The following TFAP2E variants were observed in gnomAD, a reference collection of about 807,000 sequenced individuals.
TFAP2E encodes the protein transcription factor AP-2-epsilon.
In TFAP2E, 30 loss-of-function variants were observed where a neutral mutation model predicts 37.9. The observed-to-expected ratio is 0.79, with a 90% CI of 0.59 to 1.07. The LOEUF (loss-of-function observed/expected upper bound fraction) is 1.07, where lower values mean the gene tolerates loss of function less well. Ranked by LOEUF, TFAP2E falls within the 50% of genes least tolerant of loss-of-function variation. TFAP2E has a pLI of 0.00. For synonymous variants in TFAP2E, 318 were observed against 295.8 expected (o/e 1.08, Z -0.77); for missense variants, 567 against 637.9 (o/e 0.89, Z 1.20).
chr1:35,580,762 G>A (rs1431886935), intron 3 of TFAP2E, among the ~76,000 whole-genome samples: 4 of 151,414 alleles, frequency 2.6e-5, no homozygotes, highest in Non-Finnish European at 2.9e-5. Flanking sequence ...GCGACAGAGC[G>A]AGACTCTGCC....
At chr1:35,578,418 CTCCG>C (rs1463583934) in intron 3 of TFAP2E, among the ~76,000 whole-genome samples, 1 of 149,186 alleles carries the variant, frequency 6.7e-6, no homozygotes, top group Admixed American at 6.6e-5. Flanking sequence ...CAGAGCGAGA[CTCCG>C]TCTCGGAAAA....
At chr1:35,575,021 G>T in intron 3 of TFAP2E, 21 bp downstream of exon 3, 5 of 1,613,736 alleles carry the variant, frequency 3.1e-6, no homozygotes, top group Non-Finnish European at 3.4e-6. Context: ...GTCTGTCAGG[G>T]CAGAGCCCGG....
At chr1:35,574,898 TG>T in intron 2 of TFAP2E, 50 bp from the exon 3 acceptor site, 1 of 1,612,970 alleles carries the variant, frequency 6.2e-7, no homozygotes, top group Non-Finnish European at 8.5e-7. Context: ...TGGGAAGACA[TG>T]GGCGGCTAGG....
Position 35,574,384 on chromosome 1 carries a change from C to T in TFAP2E, c.485C>T (p.Ala162Val), listed in dbSNP as rs1306702846. 3 of 1,435,588 alleles carry T rather than the reference C, an allele frequency of 2.1e-6. No homozygotes were observed. The highest frequency in any genetic ancestry group is 1.5e-5 in the African/African-American group (1 of 67,092). 88.9% of individuals were successfully genotyped at this position (1,435,588 alleles called of 1,614,324 possible). A position where few individuals can be genotyped will look rare whatever the true frequency, so the allele number is the denominator to read the frequency against. ...DAPLGLPGLA[A>V]APGLEDLQAM... ...CCTCTCGGCCTTCCGGGGCTGGCGG[C>T]GGCCCCCGGTCTGGAGGACCTGCAG... is the stretch of plus-strand genomic sequence containing the variant. Residue 162 changes from alanine (A) to valine (V), a missense_variant, in exon 2 of 7, where the codon GCG becomes GTG. Around this residue, in one of 3 missense-constraint regions of TFAP2E, gnomAD observed 312 missense variants for 317.4 expected, o/e 0.98. Coordinates refer to ENST00000373235, the MANE Select transcript of TFAP2E (RefSeq NM_178548.4).
intron 3 of TFAP2E, among the ~76,000 whole-genome samples, chr1:35,576,828 G>C (rs919981760): frequency 6.6e-6 from 1 of 152,218 alleles, no homozygotes; most frequent in Non-Finnish European, 1.5e-5. Context: ...AACATCCCAG[G>C]TGGCGGCGCG....
rs781508761 is a variant in TFAP2E at position 35,594,689 on chromosome 1, C to A, written c.*13C>A. On this transcript the variant is annotated 3_prime_UTR_variant, in exon 7 of 7. Coordinates refer to ENST00000373235, the MANE Select transcript of TFAP2E (RefSeq NM_178548.4). ...GCATCGGAAATAACTGCTTCTCCCA[C>A]CCCATCCCTAAGGGGCTCCCAGGCC... 54 of 1,613,372 alleles carry A rather than the reference C, an allele frequency of 3.3e-5. No individual in the cohort carries two copies. Among genetic ancestry groups the A allele is most frequent in the Non-Finnish European group, 3.9e-5 (46 of 1,180,038 alleles).
intron 6 of TFAP2E, among the ~76,000 whole-genome samples, chr1:35,592,806 G>A (rs1649726539): frequency 6.6e-6 from 1 of 152,146 alleles, no homozygotes; most frequent in Non-Finnish European, 1.5e-5. Context: ...CTTGCTGTGT[G>A]TCCTCACATT....
intron 2 of TFAP2E, 127 bp from the exon 3 acceptor site, chr1:35,574,822 T>TCGC (rs1257438457): frequency 7.8e-7 from 1 of 1,276,238 alleles, no homozygotes; most frequent in Non-Finnish European, 1.1e-6. Flanking sequence ...GGCCTGCCCG[T>TCGC]CGCCGCCCCA....
intron 3 of TFAP2E, among the ~76,000 whole-genome samples, chr1:35,587,636 C>CAAAAAAAAAAAAAAA (rs553131997): frequency 1.9e-5 from 1 of 51,354 alleles, no homozygotes; most frequent in African/African-American, 6.6e-5. Context: ...GACTCCATCT[C>CAAAAAAAAAAAAAAA]AAAAAAAAAA....
At position 35,573,956 on chromosome 1, in the gene TFAP2E, C is replaced by G. The variant is rs757731516; in HGVS notation, c.57C>G (p.Ala19=). 1.4e-5 allele frequency: 20 copies of G among 1,426,216 alleles called. No homozygotes were observed. Among genetic ancestry groups the G allele is most frequent in the Non-Finnish European group, 1.8e-5 (20 of 1,100,400 alleles). The allele number at this position is 1,426,216 out of a possible 1,614,324, so 88.3% of individuals were successfully genotyped here. ...MERPDGLGAA[A]GGARLSSLPQ... The stretch of plus-strand genomic sequence containing the variant: ...GCCCCGACGGGCTGGGAGCAGCTGC[C>G]GGCGGGGCCCGCCTGTCGTCTCTGC... Residue 19 remains alanine (A), a synonymous_variant, in exon 2 of 7, where the codon GCC becomes GCG. Transcript: ENST00000373235. The surrounding 1 kb of genome is among the most constrained non-coding windows in gnomAD (Gnocchi z 5.9).
chr1:35,587,844 C>T lies in TFAP2E; in HGVS notation c.563-486C>T, dbSNP rs866331507. ...ATTAACAGGGCAATAACCTCCCTGTCTCCAGGATGTGGAGCCCACAGTCTC... is the reference window on the plus strand; with the variant it reads ...ATTAACAGGGCAATAACCTCCCTGTTTCCAGGATGTGGAGCCCACAGTCTC... On this transcript the variant is annotated intron_variant, in intron 3 of 6. Transcript: ENST00000373235. Among the ~76,000 whole-genome samples the T allele has an allele frequency of 3.3e-5, 5 of 152,142 alleles. No individual in the cohort carries two copies. In the Middle Eastern group the frequency reaches 0.01, roughly 310 times the overall value.
chr1:35,588,211 A>T lies in TFAP2E; in HGVS notation c.563-119A>T. 1 of 996,214 alleles carries T rather than the reference A, an allele frequency of 1.0e-6. No homozygotes were observed. The highest frequency in any genetic ancestry group is 1.4e-6 in the Non-Finnish European group (1 of 696,508). 61.7% of individuals were successfully genotyped at this position (996,214 alleles called of 1,614,324 possible). On this transcript the variant is annotated intron_variant, in intron 3 of 6. Coordinates refer to ENST00000373235, the MANE Select transcript of TFAP2E (RefSeq NM_178548.4). The surrounding 1 kb of genome is among the most constrained non-coding windows in gnomAD (Gnocchi z 5.1). ...TCCATCAGTTGAGGGAACTTGGGCG[A>T]GTCACTTTCACCTCACTGTGGCTCA...
chr1:35,586,670 G>T (rs1392489986), intron 3 of TFAP2E, among the ~76,000 whole-genome samples: 2 of 152,040 alleles, frequency 1.3e-5, no homozygotes, highest in Non-Finnish European at 2.9e-5. Context: ...ATGGGATGTG[G>T]TGATGGATGG....
chr1:35,579,583 C>T (rs1445182679), intron 3 of TFAP2E, among the ~76,000 whole-genome samples: 9 of 151,816 alleles, frequency 5.9e-5, no homozygotes, highest in African/African-American at 2.2e-4. Flanking sequence ...TTAGTAGGGG[C>T]GTGGTTTCAC....
intron 3 of TFAP2E, among the ~76,000 whole-genome samples, chr1:35,579,367 G>T (rs1649280252): frequency 6.6e-6 from 1 of 150,986 alleles, no homozygotes; most frequent in Non-Finnish European, 1.5e-5. Context: ...TTGCACTCCA[G>T]CCTGGACAAC....
At position 35,573,484 on chromosome 1, in the gene TFAP2E, G is replaced by C; in HGVS notation, c.-94G>C. 1 of 1,382,976 alleles carries C rather than the reference G, an allele frequency of 7.2e-7. No individual in the cohort carries two copies. Among genetic ancestry groups the C allele is most frequent in the East Asian group, 3.0e-5 (1 of 33,356 alleles). The allele number at this position is 1,382,976 out of a possible 1,614,324, so 85.7% of individuals were successfully genotyped here. A position where few individuals can be genotyped will look rare whatever the true frequency, so the allele number is the denominator to read the frequency against. ...CAGCTACCGCACCGTGACCTCCGCGGGCTGTGCCGGCTCCCGGCGCCTCTG... is the reference window on the plus strand; with the variant it reads ...CAGCTACCGCACCGTGACCTCCGCGCGCTGTGCCGGCTCCCGGCGCCTCTG... On this transcript the variant is annotated 5_prime_UTR_variant, in exon 1 of 7. Coordinates refer to ENST00000373235, the MANE Select transcript of TFAP2E (RefSeq NM_178548.4). This position sits in a 1 kb window ranked among gnomAD's most constrained non-coding sequence, Gnocchi z 5.9.
Position 35,573,699 on chromosome 1 carries a change from T to G in TFAP2E, c.27+95T>G, listed in dbSNP as rs1007327404. 2 of 1,491,614 alleles carry G rather than the reference T, an allele frequency of 1.3e-6. No individual in the cohort carries two copies. Among genetic ancestry groups the G allele is most frequent in the African/African-American group, 2.9e-5 (2 of 69,016 alleles). The allele number at this position is 1,491,614 out of a possible 1,614,324, so 92.4% of individuals were successfully genotyped here. On this transcript the variant is annotated intron_variant, in intron 1 of 6. Transcript: ENST00000373235. This position sits in a 1 kb window ranked among gnomAD's most constrained non-coding sequence, Gnocchi z 5.9. The stretch of plus-strand genomic sequence containing the variant: ...CCTCCTGTCCCGCGCTAACGAAATC[T>G]CGGAGGGAGGGGGCCGCAGGGACTT...
chr1:35,574,852 G>C, intron 2 of TFAP2E, 97 bp from the exon 3 acceptor site: 2 of 1,554,530 alleles, frequency 1.3e-6, no homozygotes, highest in Non-Finnish European at 1.8e-6. Flanking sequence ...GGTGCGCCTT[G>C]GGCGGAGCAG....
At chr1:35,587,636 C>CAAAAAAA (rs553131997) in intron 3 of TFAP2E, among the ~76,000 whole-genome samples, 22 of 51,206 alleles carry the variant, frequency 4.3e-4, no homozygotes, top group East Asian at 3.6e-3. Flanking sequence ...GACTCCATCT[C>CAAAAAAA]AAAAAAAAAA....
Sources: allele counts gnomAD v4.1 joint callset (sites outside exome capture counted in the v4.1 genomes callset), GRCh38; gene constraint gnomAD v4.1.1; regional missense constraint gnomAD v4.1.1; non-coding constraint Gnocchi (gnomAD v3.1); transcripts MANE v1.5; gene names NCBI Gene and HGNC (gene_info 2026-07-23, HGNC 2026-07-21).